CUBN: variants seen among roughly 807,000 people sequenced by gnomAD.
CUBN encodes the protein cubilin.
Under a neutral mutation model 405.3 loss-of-function variants are expected in CUBN, and 282 were observed. That is an observed-to-expected ratio of 0.70 (90% CI 0.63 to 0.77). The LOEUF (loss-of-function observed/expected upper bound fraction) is 0.77. CUBN is among the 30% of genes least tolerant of loss of function. CUBN has a pLI of 0.00. For missense variants in CUBN, 4,514 were observed against 4,475.2 expected, an observed-to-expected ratio of 1.01 and a Z score of -0.25; for synonymous variants, 1,684 against 1,617.0, an observed-to-expected ratio of 1.04 and a Z score of -0.99.
At chr10:16,897,549 G>T (rs780811) in intron 54 of CUBN, among the ~76,000 whole-genome samples, 95,257 of 151,916 alleles carry the variant, frequency 0.63, 30,107 homozygotes, top group Middle Eastern at 0.68. Flanking sequence ...AAGAGGAGCA[G>T]GTCTGGCCTG....
At chr10:17,073,402 C>T (rs1159205540) in intron 17 of CUBN, among the ~76,000 whole-genome samples, 1 of 151,080 alleles carries the variant, frequency 6.6e-6, no homozygotes, top group Non-Finnish European at 1.5e-5. Flanking sequence ...AAAGGAATTT[C>T]CTTCATATAA....
intron 59 of CUBN, among the ~76,000 whole-genome samples, chr10:16,855,321 T>C (rs551453614): frequency 1.3e-5 from 2 of 152,128 alleles, no homozygotes; most frequent in African/African-American, 4.8e-5. Flanking sequence ...TTCTGTGCAC[T>C]TGATGTTAGG....
intron 28 of CUBN, among the ~76,000 whole-genome samples, chr10:17,017,304 C>G (rs1436631562): frequency 6.6e-6 from 1 of 152,080 alleles, no homozygotes; most frequent in Non-Finnish European, 1.5e-5. Context: ...ATTTAGTGGC[C>G]CTTATCAATG....
At chr10:17,096,304 A>C (rs938879909) in intron 14 of CUBN, among the ~76,000 whole-genome samples, 6 of 152,162 alleles carry the variant, frequency 3.9e-5, no homozygotes, top group African/African-American at 1.4e-4. Flanking sequence ...ATTGACTAAA[A>C]TGGTAACTAT....
chr10:16,884,122 G>C (rs1840742267), intron 56 of CUBN, among the ~76,000 whole-genome samples: 1 of 152,146 alleles, frequency 6.6e-6, no homozygotes, highest in South Asian at 2.1e-4. Flanking sequence ...TGGGACTACA[G>C]GGGCCCGCCA....
intron 56 of CUBN, among the ~76,000 whole-genome samples, chr10:16,883,900 T>C (rs113706240): frequency 6.6e-6 from 1 of 152,256 alleles, no homozygotes; most frequent in Non-Finnish European, 1.5e-5. Context: ...AATTTTTAAA[T>C]TGAGAATTTC....
Position 16,869,737 on chromosome 10 carries a change from G to A in CUBN, c.9353C>T (p.Pro3118Leu), listed in dbSNP as rs1342495245. Residue 3118 changes from proline (P) to leucine (L), a missense_variant, in exon 59 of 67, where the codon CCA becomes CTA. Physicochemically the swap from Pro to Leu is moderately conservative, Grantham distance 98. Around this residue, in one of 5 missense-constraint regions of CUBN, gnomAD observed 1,186 missense variants for 1,186.9 expected, o/e 1.00. Coordinates refer to ENST00000377833, the MANE Select transcript of CUBN (RefSeq NM_001081.4). ...LLGKFCGSKR[P>L]PNVKSSNNSM... ...ATTATTGCTGCTCTTCACATTTGGT[G>A]GGCGCTTGGAACCGCAGAATTTGCC... 2 of 1,614,052 alleles carry A rather than the reference G, an allele frequency of 1.2e-6. No individual in the cohort carries two copies.
intron 24 of CUBN, 143 bp from the exon 25 acceptor site, chr10:17,045,331 G>A (rs1835106226): frequency 1.3e-6 from 1 of 781,486 alleles, no homozygotes; most frequent in Admixed American, 2.8e-5. Flanking sequence ...AGTAGTTATA[G>A]CCTAAAAATC....
chr10:17,054,972 G>A (rs116378295), intron 22 of CUBN, among the ~76,000 whole-genome samples: 4 of 151,884 alleles, frequency 2.6e-5, no homozygotes, highest in African/African-American at 9.7e-5. Flanking sequence ...TACCAAACCA[G>A]ACAAAGAAAT....
Position 16,982,584 on chromosome 10 carries a change from C to T in CUBN, c.4595G>A (p.Ser1532Asn). Residue 1532 changes from serine to asparagine, a missense_variant, in exon 31 of 67, where the codon AGC becomes AAC. Physicochemically the swap from Ser to Asn is conservative, Grantham distance 46. Transcript: ENST00000377833. ...AATGACCCAAGAACAGTCTGTGTTG[C>T]TCCTATAAGGACTGGGGTAATTTGG... ...HSPNYPSPYR[S>N]NTDCSWVIRV... The T allele has an allele frequency of 6.2e-7, 1 of 1,613,636 alleles. No individual in the cohort carries two copies. Among genetic ancestry groups the T allele is most frequent in the Non-Finnish European group, 8.5e-7 (1 of 1,179,574 alleles).
intron 31 of CUBN, 82 bp from the exon 32 acceptor site, chr10:16,954,630 T>TA (rs1255545143): frequency 7.0e-7 from 1 of 1,420,696 alleles, no homozygotes; most frequent in Admixed American, 1.9e-5. Flanking sequence ...TGCACGCCGA[T>TA]ATACTAGTGG....
At chr10:16,913,003 G>A (rs2131450964) in intron 48 of CUBN, among the ~76,000 whole-genome samples, 1 of 152,304 alleles carries the variant, frequency 6.6e-6, no homozygotes, top group South Asian at 2.1e-4. Context: ...GGGGGTATTA[G>A]TAGCAGATAT....
intron 27 of CUBN, chr10:17,023,776 TTGAATATGCAGA>T (rs372966722): frequency 3.2e-4 from 109 of 339,576 alleles, no homozygotes; most frequent in African/African-American, 2.2e-3. Flanking sequence ...GATTCTCACC[TTGAATATGCAGA>T]TCTAATTTCT....
At chr10:16,955,922 C>T (rs1056126456) in intron 31 of CUBN, among the ~76,000 whole-genome samples, 2 of 152,200 alleles carry the variant, frequency 1.3e-5, no homozygotes, top group African/African-American at 4.8e-5. Context: ...ATGCATCAAC[C>T]TGCCAACCAT....
intron 56 of CUBN, among the ~76,000 whole-genome samples, chr10:16,879,755 C>T (rs565245614): frequency 1.5e-4 from 23 of 152,202 alleles, no homozygotes; most frequent in South Asian, 1.5e-3. Flanking sequence ...ACCAACTCTC[C>T]GAGAGATTTG....
At chr10:16,951,775 T>G (rs555262076) in intron 33 of CUBN, among the ~76,000 whole-genome samples, 1 of 152,306 alleles carries the variant, frequency 6.6e-6, no homozygotes, top group Admixed American at 6.5e-5. Flanking sequence ...GAGCCCAGGT[T>G]TTATGAATGT....
Position 16,907,458 on chromosome 10 carries a change from C to G in CUBN, c.7705+50G>C. The G allele has an allele frequency of 1.9e-6, 3 of 1,571,438 alleles. No individual in the cohort carries two copies. The South Asian group carries it at 3.3e-5, about 17-fold the overall frequency. Reference sequence around the variant, plus strand: ...TGCCATTGGCAGTAGATGGGGGCATCTGCAGTGCCCCTGATTAAAATGGGG... The same window carrying G: ...TGCCATTGGCAGTAGATGGGGGCATGTGCAGTGCCCCTGATTAAAATGGGG... On this transcript the variant is annotated intron_variant, in intron 49 of 66. Coordinates refer to ENST00000377833, the MANE Select transcript of CUBN (RefSeq NM_001081.4).
intron 13 of CUBN, among the ~76,000 whole-genome samples, chr10:17,100,672 AAC>A (rs2131296644): frequency 6.6e-6 from 1 of 152,340 alleles, no homozygotes; most frequent in East Asian, 1.9e-4. Context: ...CCTGTTATCA[AAC>A]ACACAGACGT....
intron 47 of CUBN, among the ~76,000 whole-genome samples, chr10:16,914,448 A>G (rs1395210093): frequency 6.6e-6 from 1 of 152,034 alleles, no homozygotes; most frequent in Non-Finnish European, 1.5e-5. Context: ...AATCTCAGCT[A>G]CTCAGGAGCC....
Sources: gnomAD v4.1 joint callset for allele counts (sites outside exome capture counted in the v4.1 genomes callset) on GRCh38, gnomAD v4.1.1 for gene constraint, gnomAD v4.1.1 regional missense constraint, MANE v1.5 for transcripts, NCBI Gene and HGNC (gene_info 2026-07-23, HGNC 2026-07-21) for gene names.